OPCML: variants seen among roughly 807,000 people sequenced by gnomAD.
OPCML encodes the protein opioid binding protein/cell adhesion molecule like, also known as opioid-binding protein/cell adhesion molecule.
In OPCML, 13 loss-of-function variants were observed where a neutral mutation model predicts 37.8. The observed-to-expected ratio is 0.34, with a 90% CI of 0.22 to 0.55. OPCML has a LOEUF of 0.55. Ranked by LOEUF, OPCML falls within the 20% of genes least tolerant of loss-of-function variation. The probability of loss-of-function intolerance (pLI) is 0.91; values close to 1 mark genes in which losing one functional copy is unlikely to be tolerated. For missense variants in OPCML, 341 were observed against 435.6 expected (o/e 0.78, Z 1.93); for synonymous variants, 176 against 168.8 (o/e 1.04, Z -0.33).
At chr11:132,916,621 G>A (rs1944614736) in intron 2 of OPCML, among the ~76,000 whole-genome samples, 2 of 152,204 alleles carry the variant, frequency 1.3e-5, no homozygotes, top group Non-Finnish European at 2.9e-5. Context: ...TACACGTAGA[G>A]CTTTGGCGGC....
intron 1 of OPCML, among the ~76,000 whole-genome samples, chr11:133,255,254 C>T (rs986679656): frequency 3.3e-5 from 5 of 151,970 alleles, no homozygotes; most frequent in Non-Finnish European, 5.9e-5. Flanking sequence ...CACTTAAATA[C>T]GAATGTCTCC....
intron 3 of OPCML, among the ~76,000 whole-genome samples, chr11:132,583,815 T>C (rs1346297567): frequency 6.6e-6 from 1 of 151,996 alleles, no homozygotes; most frequent in Non-Finnish European, 1.5e-5. Context: ...AGTTTCCCCA[T>C]GTTGGTCAGG....
At chr11:133,224,358 A>G (rs963927782) in intron 1 of OPCML, among the ~76,000 whole-genome samples, 1 of 152,162 alleles carries the variant, frequency 6.6e-6, no homozygotes, top group African/African-American at 2.4e-5. Context: ...AGATGGTGAT[A>G]TCTTGGATGG....
chr11:133,443,111 A>G (rs960190712), intron 1 of OPCML, among the ~76,000 whole-genome samples: 1 of 152,228 alleles, frequency 6.6e-6, no homozygotes, highest in African/African-American at 2.4e-5. Flanking sequence ...CTAAACAAGA[A>G]CATCAGACAG....
chr11:132,916,864 A>C (rs1191280310), intron 2 of OPCML, among the ~76,000 whole-genome samples: 1 of 152,192 alleles, frequency 6.6e-6, no homozygotes, highest in African/African-American at 2.4e-5. Context: ...GTGCTTACCA[A>C]GACAGACGAC....
At chr11:133,495,001 C>T (rs1458229583) in intron 1 of OPCML, among the ~76,000 whole-genome samples, 6 of 152,028 alleles carry the variant, frequency 3.9e-5, no homozygotes. Flanking sequence ...GAGTTTGGTG[C>T]ATCACCCAAG....
chr11:132,855,414 C>G (rs1942016308), intron 2 of OPCML, among the ~76,000 whole-genome samples: 1 of 152,200 alleles, frequency 6.6e-6, no homozygotes, highest in Non-Finnish European at 1.5e-5. Flanking sequence ...ATAAATTCCT[C>G]TTCTCCACTT....
chr11:133,528,434 C>T (rs2120752128), intron 1 of OPCML, among the ~76,000 whole-genome samples: 1 of 152,302 alleles, frequency 6.6e-6, no homozygotes. Context: ...GCGTGGATTC[C>T]CCCACTAGAC....
intron 2 of OPCML, among the ~76,000 whole-genome samples, chr11:132,810,393 A>G (rs1939272853): frequency 6.6e-6 from 1 of 152,132 alleles, no homozygotes; most frequent in South Asian, 2.1e-4. Flanking sequence ...AAGCACCAGC[A>G]TGTCTAGACT....
chr11:133,262,369 T>C (rs1941521204), intron 1 of OPCML, among the ~76,000 whole-genome samples: 1 of 152,214 alleles, frequency 6.6e-6, no homozygotes, highest in Non-Finnish European at 1.5e-5. Flanking sequence ...GTCATTATCA[T>C]GTAATGTGCG....
At chr11:133,522,524 G>A (rs1460301581) in intron 1 of OPCML, among the ~76,000 whole-genome samples, 1 of 152,174 alleles carries the variant, frequency 6.6e-6, no homozygotes, top group African/African-American at 2.4e-5. Context: ...GGGTAAGAGG[G>A]AGCTTGGAGC....
At chr11:132,748,290 G>A (rs1202340782) in intron 2 of OPCML, among the ~76,000 whole-genome samples, 1 of 151,990 alleles carries the variant, frequency 6.6e-6, no homozygotes, top group East Asian at 1.9e-4. Flanking sequence ...ATGGAATCCT[G>A]TTTGGTTCAC....
intron 3 of OPCML, among the ~76,000 whole-genome samples, chr11:132,652,377 CACACACACAG>C (rs1941474484): frequency 3.3e-5 from 5 of 150,780 alleles, no homozygotes; most frequent in Non-Finnish European, 1.5e-5. Context: ...CACACACACA[CACACACACAG>C]AGAGAGAAAT....
chr11:133,391,502 C>T (rs1203157120), intron 1 of OPCML, among the ~76,000 whole-genome samples: 1 of 152,176 alleles, frequency 6.6e-6, no homozygotes, highest in Admixed American at 6.5e-5. Context: ...TCCCCAACCC[C>T]CAGTTCCAAC....
intron 1 of OPCML, among the ~76,000 whole-genome samples, chr11:133,312,058 A>T (rs1369872362): frequency 6.6e-6 from 1 of 152,230 alleles, no homozygotes; most frequent in South Asian, 2.1e-4. Flanking sequence ...AGCCAGGAAA[A>T]AATAGTCACA....
intron 1 of OPCML, among the ~76,000 whole-genome samples, chr11:132,974,339 T>C (rs1946409549): frequency 6.6e-6 from 1 of 152,176 alleles, no homozygotes; most frequent in Non-Finnish European, 1.5e-5. Flanking sequence ...CCATCACACT[T>C]TGCATACCAA....
intron 1 of OPCML, among the ~76,000 whole-genome samples, chr11:133,367,514 C>G (rs1211430084): frequency 1.3e-5 from 2 of 152,186 alleles, no homozygotes; most frequent in Admixed American, 1.3e-4. Flanking sequence ...AGTGTAAAGA[C>G]AGACAATTAA....
intron 1 of OPCML, among the ~76,000 whole-genome samples, chr11:133,132,948 C>A (rs1949628995): frequency 2.0e-5 from 3 of 151,686 alleles, no homozygotes. Flanking sequence ...TGGCCAGTGG[C>A]GTTAGGGCTG....
At chr11:132,989,274 T>C (rs1946732330) in intron 1 of OPCML, among the ~76,000 whole-genome samples, 1 of 152,152 alleles carries the variant, frequency 6.6e-6, no homozygotes, top group Non-Finnish European at 1.5e-5. Context: ...CTGAGGAATA[T>C]TCATAAATTA....
Sources: gnomAD v4.1 joint callset for allele counts (sites outside exome capture counted in the v4.1 genomes callset) on GRCh38, gnomAD v4.1.1 for gene constraint, MANE v1.5 for transcripts, NCBI Gene and HGNC (gene_info 2026-07-23, HGNC 2026-07-21) for gene names.